The following EP400 variants were observed in gnomAD, a reference collection of about 807,000 sequenced individuals.
The protein encoded by EP400 is E1A-binding protein p400.
In EP400, 105 loss-of-function variants were observed where a neutral mutation model predicts 354.1. The ratio of observed to expected loss-of-function variants is 0.30; its 90% CI spans 0.25 to 0.35. EP400 has a LOEUF of 0.35. Among genes scored for constraint, EP400 ranks in the 10% least tolerant of loss-of-function variants. The pLI, the probability that EP400 is intolerant of heterozygous loss-of-function variation, is 1.00. For missense variants in EP400, 3,280 were observed against 4,121.0 expected (o/e 0.80, Z 5.59); for synonymous variants, 1,646 against 1,716.9 (o/e 0.96, Z 1.02).
chr12:131,963,496 T>A (rs1251098055), intron 2 of EP400: 1 of 1,510,896 alleles, frequency 6.6e-7, no homozygotes, highest in African/African-American at 1.4e-5. Flanking sequence ...TTGTAAAAAT[T>A]ATGTTGCCTT....
In EP400 at chr12:132,077,440, G is replaced by A; in HGVS notation, c.9139G>A (p.Ala3047Thr). 1 of 1,612,894 alleles carries A rather than the reference G, an allele frequency of 6.2e-7. No homozygotes were observed. Among genetic ancestry groups the A allele is most frequent in the Non-Finnish European group, 8.5e-7 (1 of 1,179,938 alleles). ...QTVALTQATA[A>T]GQQVQMIPAV... ...TGTGGCGCTCACGCAGGCGACGGCG[G>A]CCGGGCAGCAGGTGCAGATGATCCC... is the stretch of plus-strand genomic sequence containing the variant. The change falls in exon 53 of 53, where the codon GCC becomes ACC. Residue 3047 changes from alanine to threonine, a missense_variant. Ala to Thr is a moderately conservative substitution (Grantham distance 58, BLOSUM62 0). This residue lies in a region of EP400 where 279 missense variants were observed against 386.7 expected (regional missense o/e 0.72). Transcript: ENST00000389561.
intron 2 of EP400, among the ~76,000 whole-genome samples, chr12:131,972,644 C>T (rs1892331367): frequency 6.6e-6 from 1 of 151,246 alleles, no homozygotes; most frequent in South Asian, 2.1e-4. Flanking sequence ...ATAAAAAGAA[C>T]CGTTCTAAGC....
At chr12:132,024,812 C>T (rs1249735487) in intron 24 of EP400, among the ~76,000 whole-genome samples, 1 of 151,882 alleles carries the variant, frequency 6.6e-6, no homozygotes, top group Non-Finnish European at 1.5e-5. Context: ...CCGCCACCCC[C>T]CCACAGCAGC....
rs201011122 is a variant in EP400, at chr12:132,053,617, C to T, written c.7728+20C>T. On this transcript the variant is annotated intron_variant, in intron 43 of 52. Coordinates refer to ENST00000389561, the MANE Select transcript of EP400 (RefSeq NM_015409.5). ...GTACTGGTGAGCAGGGGCCTCCTCC[C>T]GGGCTTCCCCTCTACGGGAAGTCAC... The T allele has an allele frequency of 5.6e-5, 84 of 1,501,760 alleles. No homozygotes were observed. In the East Asian group the frequency reaches 1.3e-3, roughly 24 times the overall value. The allele number at this position is 1,501,760 out of a possible 1,614,324, so 93.0% of individuals were successfully genotyped here.
At position 132,006,731 on chromosome 12, in the gene EP400, G is replaced by C; in HGVS notation, c.3158G>C (p.Gly1053Ala). The change falls in exon 15 of 53, where the codon GGG (glycine) becomes GCG (alanine). Residue 1053 changes from glycine to alanine, a missense_variant. Physicochemically the swap from Gly to Ala is moderately conservative, Grantham distance 60 (BLOSUM62 0). Coordinates refer to ENST00000389561, the MANE Select transcript of EP400 (RefSeq NM_015409.5). ...VKFNAPSLLY[G>A]ALRDYQKIGL... ...TTTAATGCTCCATCTTTGTTGTATGGGGCTCTCAGAGATTATCAGAAGATT... is the reference window on the plus strand; with the variant it reads ...TTTAATGCTCCATCTTTGTTGTATGCGGCTCTCAGAGATTATCAGAAGATT... 1 of 1,610,054 alleles carries C rather than the reference G, an allele frequency of 6.2e-7. No individual in the cohort carries two copies. The highest frequency in any genetic ancestry group is 1.1e-5 in the South Asian group (1 of 89,994).
Position 132,018,356 on chromosome 12 carries a change from A to T in EP400, c.4257A>T (p.Ala1419=). 1 of 1,608,078 alleles carries T rather than the reference A, an allele frequency of 6.2e-7. No homozygotes were observed. The highest frequency in any genetic ancestry group is 1.3e-5 in the African/African-American group (1 of 74,362). Residue 1419 remains alanine, a synonymous_variant, in exon 21 of 53, where the codon GCA becomes GCT. Transcript: ENST00000389561. The surrounding 1 kb of genome is among the most constrained non-coding windows in gnomAD (Gnocchi z 4.0). ...TSAAPAARPA[A]AKLKASRLFQ... ...CAGCCCCAGCAGCCCGACCAGCAGC[A>T]GCAAAGCTGAAGGCCAGCAGGTGCG...
chr12:132,075,536 G>C lies in EP400; in HGVS notation c.9022-980G>C, dbSNP rs1477919126. 6.6e-6 allele frequency among the ~76,000 whole-genome samples: 1 copy of C among 152,196 alleles called. No individual in the cohort carries two copies. On this transcript the variant is annotated intron_variant, in intron 51 of 52. Coordinates refer to ENST00000389561, the MANE Select transcript of EP400 (RefSeq NM_015409.5). The surrounding 1 kb of genome is among the most constrained non-coding windows in gnomAD (Gnocchi z 4.5). ...TGAGATGGGCCCTGGAGCACCGGCT[G>C]CATCTTTGTTTCCCAGCAGTTCCAC...
intron 21 of EP400, among the ~76,000 whole-genome samples, chr12:132,019,294 G>C (rs1408991078): frequency 6.6e-6 from 1 of 152,176 alleles, no homozygotes; most frequent in East Asian, 1.9e-4. Context: ...CTCCTGCCTT[G>C]GTCCCCCAAA....
chr12:132,072,568 A>C (rs1038035084), intron 51 of EP400, among the ~76,000 whole-genome samples: 10 of 152,218 alleles, frequency 6.6e-5, no homozygotes, highest in African/African-American at 2.4e-4. Context: ...GAAACTTGCT[A>C]TCTAGTCCAG....
intron 12 of EP400, among the ~76,000 whole-genome samples, chr12:132,004,393 G>A (rs1222024506): frequency 6.6e-6 from 1 of 151,952 alleles, no homozygotes; most frequent in Non-Finnish European, 1.5e-5. Flanking sequence ...TAATTAATGT[G>A]TGGTATTTTT....
chr12:132,042,041 T>C (rs1335598769), intron 32 of EP400, among the ~76,000 whole-genome samples: 1 of 149,968 alleles, frequency 6.7e-6, no homozygotes, highest in Non-Finnish European at 1.5e-5. Context: ...AACCTCCACC[T>C]CCCAGGTCAA....
rs369810392 is a variant in EP400 at position 132,079,977 on chromosome 12, G to T, written c.*2304G>T. The T allele has an allele frequency of 5.3e-5, 8 of 152,302 alleles. No homozygotes were observed. The highest frequency in any genetic ancestry group is 1.9e-4 in the African/African-American group (8 of 41,558). The allele number at this position is 152,302 out of a possible 1,614,324, so 9.4% of individuals were successfully genotyped here. ...TTTCTAACCTAAGAATTAAGTACGC[G>T]TTCAGGAAGCTGTTGTCTAGGCCTT... On this transcript the variant is annotated 3_prime_UTR_variant, in exon 53 of 53. Transcript: ENST00000389561.
Position 131,960,955 on chromosome 12 carries a change from G to A in EP400, c.336G>A (p.Arg112=). The change falls in exon 2 of 53, where the codon CGG becomes CGA. Residue 112 remains arginine (R), a synonymous_variant. Coordinates refer to ENST00000389561, the MANE Select transcript of EP400 (RefSeq NM_015409.5). ...PGFQFSAQPR[R]FEHGSPSYIQ... is the part of the protein sequence containing the mutation. ...TCCAGTTCAGCGCTCAGCCTCGGCG[G>A]TTTGAGCATGGGTCTCCATCATACA... is the stretch of plus-strand genomic sequence containing the variant. 1.2e-6 allele frequency: 2 copies of A among 1,611,744 alleles called. No homozygotes were observed. The highest frequency in any genetic ancestry group is 2.2e-5 in the East Asian group (1 of 44,754).
At position 131,990,546 on chromosome 12, in the gene EP400, T is replaced by C. The variant is rs1892999210; in HGVS notation, c.2551-90T>C. ...AGGCTGGAAAACACTGTTTTCAGAC[T>C]CTGCTTATGTGCTTTAGTGTTTTGT... On this transcript the variant is annotated intron_variant, in intron 8 of 52. Transcript: ENST00000389561. The surrounding 1 kb of genome is among the most constrained non-coding windows in gnomAD (Gnocchi z 4.2). The C allele has an allele frequency of 2.0e-5, 19 of 967,262 alleles. No individual in the cohort carries two copies. The highest frequency in any genetic ancestry group is 2.8e-5 in the Non-Finnish European group (18 of 638,306). 59.9% of individuals were successfully genotyped at this position (967,262 alleles called of 1,614,324 possible).
chr12:131,999,320 T>A (rs1361899852), intron 12 of EP400, among the ~76,000 whole-genome samples: 1 of 152,186 alleles, frequency 6.6e-6, no homozygotes, highest in Non-Finnish European at 1.5e-5. Flanking sequence ...TCAGGATGAC[T>A]ATGATGATAC....
At chr12:131,961,985 A>C (rs1290652131) in intron 2 of EP400, 31 bp downstream of exon 2, 2 of 1,582,006 alleles carry the variant, frequency 1.3e-6, no homozygotes, top group Non-Finnish European at 1.7e-6. Flanking sequence ...TGTTTAGTAC[A>C]AATCTTCTAG....
intron 1 of EP400, among the ~76,000 whole-genome samples, chr12:131,953,986 A>G (rs1408441576): frequency 1.3e-5 from 2 of 151,892 alleles, no homozygotes; most frequent in Admixed American, 6.6e-5. Flanking sequence ...GGTGGCTCAC[A>G]CCTGTAGTCC....
At chr12:132,072,079 C>T (rs2136621317) in intron 51 of EP400, among the ~76,000 whole-genome samples, 1 of 152,290 alleles carries the variant, frequency 6.6e-6, no homozygotes, top group South Asian at 2.1e-4. Context: ...GTGTGTGTGA[C>T]CTCACGGCAT....
Position 132,020,318 on chromosome 12 carries a change from C to T in EP400, c.4447+100C>T, listed in dbSNP as rs574199091. On this transcript the variant is annotated intron_variant, in intron 22 of 52. Transcript: ENST00000389561. ...GCGCCTCTGGATGCGGTAATTGTCC[C>T]TGAGTGGGAACAGGCACCACCCGCT... 4.1e-5 allele frequency: 57 copies of T among 1,396,796 alleles called. No homozygotes were observed. In the Middle Eastern group the frequency reaches 9.2e-4, roughly 23 times the overall value. The allele number at this position is 1,396,796 out of a possible 1,614,324, so 86.5% of individuals were successfully genotyped here. A position where few individuals can be genotyped will look rare whatever the true frequency, so the allele number is the denominator to read the frequency against.
Sources: allele counts gnomAD v4.1 joint callset (sites outside exome capture counted in the v4.1 genomes callset), GRCh38; gene constraint gnomAD v4.1.1; regional missense constraint gnomAD v4.1.1; non-coding constraint Gnocchi (gnomAD v3.1); transcripts MANE v1.5; gene names NCBI Gene and HGNC (gene_info 2026-07-23, HGNC 2026-07-21).